BMPR1A: variants seen among roughly 807,000 people sequenced by gnomAD.
BMPR1A encodes the protein bone morphogenetic protein receptor type-1A.
BMPR1A carries 7 observed loss-of-function variants against 66.0 expected under a neutral mutation model. The observed-to-expected ratio is 0.11, with a 90% CI of 0.06 to 0.20. The LOEUF (loss-of-function observed/expected upper bound fraction) is 0.20, where lower values mean the gene tolerates loss of function less well. BMPR1A is among the 10% of genes least tolerant of loss of function. BMPR1A has a pLI of 1.00. For synonymous variants in BMPR1A, 200 were observed against 229.7 expected (o/e 0.87, Z 1.17); for missense variants, 408 against 669.1 (o/e 0.61, Z 4.31).
intron 1 of BMPR1A, among the ~76,000 whole-genome samples, chr10:86,822,872 TG>T (rs1289040647): frequency 6.6e-6 from 1 of 152,030 alleles, no homozygotes; most frequent in East Asian, 1.9e-4. Flanking sequence ...TCAGGTGATA[TG>T]CCCGCCTCAG....
intron 1 of BMPR1A, among the ~76,000 whole-genome samples, chr10:86,781,550 T>G (rs1841437003): frequency 6.6e-6 from 1 of 152,166 alleles, no homozygotes; most frequent in East Asian, 1.9e-4. Flanking sequence ...TGTTTTTCCG[T>G]GAAGAATGTC....
intron 2 of BMPR1A, among the ~76,000 whole-genome samples, chr10:86,872,519 C>T (rs947374786): frequency 6.6e-5 from 10 of 152,052 alleles, no homozygotes; most frequent in Admixed American, 6.5e-4. Context: ...AATAATTTAA[C>T]CTTTAAATAA....
intron 1 of BMPR1A, among the ~76,000 whole-genome samples, chr10:86,808,402 T>C (rs966236969): frequency 6.6e-5 from 10 of 152,248 alleles, no homozygotes; most frequent in Non-Finnish European, 1.2e-4. Context: ...TCATTGATAC[T>C]ATTATATTTT....
chr10:86,789,772 A>AT (rs1327207632), intron 1 of BMPR1A, among the ~76,000 whole-genome samples: 3 of 152,030 alleles, frequency 2.0e-5, no homozygotes, highest in Non-Finnish European at 4.4e-5. Flanking sequence ...CTAATTTAAA[A>AT]ACAGGCAAAG....
chr10:86,788,735 G>A (rs1449104969), intron 1 of BMPR1A, among the ~76,000 whole-genome samples: 2 of 152,074 alleles, frequency 1.3e-5, no homozygotes, highest in African/African-American at 4.8e-5. Flanking sequence ...AGCCTCCTGA[G>A]TAGCTGGGAT....
At chr10:86,890,988 C>T (rs968641775) in intron 4 of BMPR1A, among the ~76,000 whole-genome samples, 10 of 152,160 alleles carry the variant, frequency 6.6e-5, no homozygotes, top group Non-Finnish European at 1.2e-4. Context: ...AACAACTCAA[C>T]CTCATCAGTC....
chr10:86,888,790 G>A (rs11597579), intron 3 of BMPR1A, among the ~76,000 whole-genome samples: 21,748 of 142,580 alleles, frequency 0.15, 2,549 homozygotes, highest in East Asian at 0.67. Context: ...TCACATCACT[G>A]TACTCCAGCC....
chr10:86,781,627 T>C (rs1564682255), intron 1 of BMPR1A, among the ~76,000 whole-genome samples: 1 of 152,082 alleles, frequency 6.6e-6, no homozygotes, highest in Non-Finnish European at 1.5e-5. Context: ...TGGCACTTTC[T>C]CATCTTGCCT....
At chr10:86,875,419 G>A (rs888828720) in intron 2 of BMPR1A, among the ~76,000 whole-genome samples, 1 of 151,978 alleles carries the variant, frequency 6.6e-6, no homozygotes, top group Non-Finnish European at 1.5e-5. Flanking sequence ...TTTCTAGGTC[G>A]GCTTCCTCTT....
At chr10:86,882,055 T>C (rs1393658623) in intron 3 of BMPR1A, among the ~76,000 whole-genome samples, 5 of 152,058 alleles carry the variant, frequency 3.3e-5, no homozygotes, top group Admixed American at 1.3e-4. Flanking sequence ...AATGGACATA[T>C]CTGGTATTAG....
chr10:86,921,676 T>C lies in BMPR1A; in HGVS notation c.1323T>C (p.Ala441=), dbSNP rs2133608618. 11 of 1,614,234 alleles carry C rather than the reference T, an allele frequency of 6.8e-6. No homozygotes were observed. Among genetic ancestry groups the C allele is most frequent in the Non-Finnish European group, 9.3e-6 (11 of 1,180,038 alleles). ...TCGGCCTAATCATTTGGGAGATGGCTCGTCGTTGTATCACAGGAGGTGGGA... is the reference window on the plus strand; with the variant it reads ...TCGGCCTAATCATTTGGGAGATGGCCCGTCGTTGTATCACAGGAGGTGGGA... ...YSFGLIIWEM[A]RRCITGGIVE... Residue 441 remains alanine (A), a synonymous_variant, in exon 11 of 13, where the codon GCT becomes GCC. Coordinates refer to ENST00000372037, the MANE Select transcript of BMPR1A (RefSeq NM_004329.3).
At chr10:86,832,021 G>T (rs924855042) in intron 1 of BMPR1A, among the ~76,000 whole-genome samples, 1 of 152,164 alleles carries the variant, frequency 6.6e-6, no homozygotes, top group African/African-American at 2.4e-5. Context: ...ATGGTTCACT[G>T]TGATAAGTGC....
chr10:86,838,370 T>C (rs1243997175), intron 1 of BMPR1A, among the ~76,000 whole-genome samples: 1 of 152,176 alleles, frequency 6.6e-6, no homozygotes, highest in Non-Finnish European at 1.5e-5. Flanking sequence ...GACCAACCAG[T>C]GCAATTAATT....
chr10:86,900,569 C>T (rs1357985726), intron 7 of BMPR1A, among the ~76,000 whole-genome samples: 1 of 151,618 alleles, frequency 6.6e-6, no homozygotes, highest in African/African-American at 2.4e-5. Flanking sequence ...AATAATAAAA[C>T]ATCATACCAA....
At chr10:86,886,517 G>A (rs1843068424) in intron 3 of BMPR1A, among the ~76,000 whole-genome samples, 1 of 152,112 alleles carries the variant, frequency 6.6e-6, no homozygotes, top group African/African-American at 2.4e-5. Context: ...AAAAGACTTT[G>A]GTAAGACCAG....
At chr10:86,851,642 C>T (rs1156365330) in intron 2 of BMPR1A, among the ~76,000 whole-genome samples, 7 of 152,114 alleles carry the variant, frequency 4.6e-5, no homozygotes, top group East Asian at 1.9e-4. Flanking sequence ...CAAGGGAACT[C>T]GCAGATCAAG....
At chr10:86,929,984 T>TA (rs757543843), downstream of BMPR1A, 3 of 152,384 alleles carry the variant, frequency 2.0e-5, no homozygotes, top group Non-Finnish European at 4.4e-5. Context: ...ATGTCATCCT[T>TA]ATATCAAGTT....
intron 1 of BMPR1A, among the ~76,000 whole-genome samples, chr10:86,780,922 C>T (rs950820966): frequency 2.0e-5 from 3 of 151,988 alleles, no homozygotes; most frequent in Non-Finnish European, 4.4e-5. Flanking sequence ...ACCACGTTGC[C>T]CAGGCTGGTC....
At chr10:86,892,648 C>CA (rs1843169108) in intron 5 of BMPR1A, among the ~76,000 whole-genome samples, 1 of 152,028 alleles carries the variant, frequency 6.6e-6, no homozygotes, top group Admixed American at 6.6e-5. Flanking sequence ...AGGCTGGTCT[C>CA]AAACTCCTGG....
Sources: allele counts gnomAD v4.1 joint callset (sites outside exome capture counted in the v4.1 genomes callset), GRCh38; gene constraint gnomAD v4.1.1; transcripts MANE v1.5; gene names NCBI Gene and HGNC (gene_info 2026-07-23, HGNC 2026-07-21).